Variants in AUTS2 observed in about 807,000 individuals in gnomAD.
AUTS2 encodes activator of transcription and developmental regulator AUTS2, also known as autism susceptibility gene 2 protein.
In AUTS2, 17 loss-of-function variants were observed where a neutral mutation model predicts 112.4. That is an observed-to-expected ratio of 0.15 (90% CI 0.10 to 0.23). The LOEUF (loss-of-function observed/expected upper bound fraction) is 0.23. Among genes scored for constraint, AUTS2 ranks in the 10% least tolerant of loss-of-function variants. AUTS2 has a pLI of 1.00. For synonymous variants in AUTS2, 751 were observed against 702.7 expected, an observed-to-expected ratio of 1.07 and a Z score of -1.09; for missense variants, 1,510 against 1,701.6, an observed-to-expected ratio of 0.89 and a Z score of 1.98.
Position 70,774,091 on chromosome 7 carries a change from G to A in AUTS2, c.1894G>A (p.Asp632Asn). The A allele has an allele frequency of 1.9e-6, 3 of 1,614,160 alleles. No homozygotes were observed. The highest frequency in any genetic ancestry group is 1.7e-4 in the Middle Eastern group (1 of 6,060). The change falls in exon 12 of 19, where the codon GAC becomes AAC. Residue 632 changes from aspartate (D) to asparagine (N), a missense_variant. Around this residue, in one of 3 missense-constraint regions of AUTS2, gnomAD observed 187 missense variants for 309.7 expected, o/e 0.60. Coordinates refer to ENST00000342771, the MANE Select transcript of AUTS2 (RefSeq NM_015570.4). ...GTVPHTLLQK[D>N]PRLTDPFRPM... ...AGTCCCACACACTTTACTCCAAAAG[G>A]ACCCGAGGGTACGTGCAAAGTCAGG...
intron 5 of AUTS2, among the ~76,000 whole-genome samples, chr7:70,555,081 A>T (rs1801192070): frequency 6.6e-6 from 1 of 152,246 alleles, no homozygotes; most frequent in Admixed American, 6.5e-5. Context: ...GGAGAGAAAA[A>T]CATGAGCAAA....
At chr7:70,336,506 G>T (rs904678053) in intron 4 of AUTS2, among the ~76,000 whole-genome samples, 6 of 152,208 alleles carry the variant, frequency 3.9e-5, no homozygotes, top group African/African-American at 1.4e-4. Flanking sequence ...AAAAGCTGAT[G>T]CCTGTATACC....
chr7:70,109,088 A>G (rs1205542020), intron 2 of AUTS2, among the ~76,000 whole-genome samples: 1 of 152,196 alleles, frequency 6.6e-6, no homozygotes, highest in Non-Finnish European at 1.5e-5. Context: ...CAAAAGATAG[A>G]AGACATTTTC....
At position 70,004,854 on chromosome 7, in the gene AUTS2, C is replaced by T. The variant is rs552380552; in HGVS notation, c.522+105356C>T. Among the ~76,000 whole-genome samples, 74 of 151,714 alleles carry T rather than the reference C, an allele frequency of 4.9e-4. No homozygotes were observed. In the Middle Eastern group the frequency reaches 0.027, roughly 56 times the overall value. The stretch of plus-strand genomic sequence containing the variant: ...ATTTATTTATTTAGAGACCGAGTTT[C>T]GCTCTCGTTGCCCAGGCTGGAGTGC... On this transcript the variant is annotated intron_variant, in intron 2 of 18. Transcript: ENST00000342771.
intron 4 of AUTS2, among the ~76,000 whole-genome samples, chr7:70,348,766 A>G (rs951518375): frequency 3.9e-5 from 6 of 152,270 alleles, no homozygotes; most frequent in Admixed American, 3.3e-4. Context: ...AGCCGAGATC[A>G]TGCCACTGCA....
intron 1 of AUTS2, among the ~76,000 whole-genome samples, chr7:69,867,279 C>T (rs1001015113): frequency 2.6e-5 from 4 of 152,122 alleles, no homozygotes; most frequent in Non-Finnish European, 2.9e-5. Flanking sequence ...GTAATCTGGG[C>T]GGCCTGGCTG....
chr7:69,837,022 A>C (rs1458392170), intron 1 of AUTS2, among the ~76,000 whole-genome samples: 1 of 152,140 alleles, frequency 6.6e-6, no homozygotes, highest in South Asian at 2.1e-4. Flanking sequence ...GATTACCTAT[A>C]AGAGACCTTG....
At chr7:70,739,804 TAAA>T (rs35729505) in intron 6 of AUTS2, among the ~76,000 whole-genome samples, 15,761 of 139,428 alleles carry the variant, frequency 0.11, 972 homozygotes, top group East Asian at 0.25. Context: ...CTCTAATTGT[TAAA>T]AAAAAAAAAA....
At chr7:70,228,837 G>C (rs528358251) in intron 4 of AUTS2, among the ~76,000 whole-genome samples, 2 of 151,928 alleles carry the variant, frequency 1.3e-5, no homozygotes, top group South Asian at 4.1e-4. Flanking sequence ...TATGCTTAAA[G>C]AAGTTAAGAC....
chr7:70,139,120 C>A (rs1047918319), intron 4 of AUTS2, among the ~76,000 whole-genome samples: 8 of 152,112 alleles, frequency 5.3e-5, no homozygotes, highest in Non-Finnish European at 8.8e-5. Context: ...GTGCATGCCA[C>A]CACACCTGCC....
chr7:70,719,267 C>A (rs867977540), intron 6 of AUTS2, among the ~76,000 whole-genome samples: 12 of 152,274 alleles, frequency 7.9e-5, no homozygotes, highest in Middle Eastern at 3.4e-3. Context: ...GCAGAGATTT[C>A]TAAATGTCTG....
chr7:70,241,647 C>T (rs1812619255), intron 4 of AUTS2, among the ~76,000 whole-genome samples: 1 of 151,820 alleles, frequency 6.6e-6, no homozygotes, highest in African/African-American at 2.4e-5. Context: ...CTTAATAAGT[C>T]CCAAAGGTAA....
At chr7:70,554,393 C>CTTTTTTTT (rs34757734) in intron 5 of AUTS2, among the ~76,000 whole-genome samples, 4 of 116,044 alleles carry the variant, frequency 3.4e-5, no homozygotes, top group African/African-American at 3.5e-5. Flanking sequence ...TCTTTTCTTT[C>CTTTTTTTT]TTTTTTTTTT....
intron 1 of AUTS2, among the ~76,000 whole-genome samples, chr7:69,872,834 C>CTTTTTT (rs1164356683): frequency 1.8e-4 from 13 of 70,406 alleles, no homozygotes; most frequent in African/African-American, 2.5e-4. Flanking sequence ...AGCCTATATT[C>CTTTTTT]TTTTTTTTTT....
At chr7:70,216,287 G>A (rs1811161959) in intron 4 of AUTS2, among the ~76,000 whole-genome samples, 1 of 152,174 alleles carries the variant, frequency 6.6e-6, no homozygotes, top group Non-Finnish European at 1.5e-5. Context: ...ACCCTGAAAG[G>A]TGTATGACGG....
At chr7:69,952,387 G>T (rs1797061478) in intron 2 of AUTS2, among the ~76,000 whole-genome samples, 1 of 152,156 alleles carries the variant, frequency 6.6e-6, no homozygotes, top group Admixed American at 6.6e-5. Context: ...CCCCCTCAAA[G>T]GTTGGCAAGG....
chr7:70,100,412 G>C (rs918057354), intron 2 of AUTS2, among the ~76,000 whole-genome samples: 1 of 151,752 alleles, frequency 6.6e-6, no homozygotes, highest in African/African-American at 2.4e-5. Flanking sequence ...GAAGTAGAAA[G>C]CTATAACGGT....
chr7:70,230,099 T>TC (rs1811968239), intron 4 of AUTS2, among the ~76,000 whole-genome samples: 1 of 152,100 alleles, frequency 6.6e-6, no homozygotes, highest in South Asian at 2.1e-4. Context: ...GACTTTTTTT[T>TC]CCTTTTGGAA....
rs1009806410 is a variant in AUTS2 at position 70,766,912 on chromosome 7, C to A, written c.1689+578C>A. Among the ~76,000 whole-genome samples, 4 of 152,350 alleles carry A rather than the reference C, an allele frequency of 2.6e-5. No homozygotes were observed. The highest frequency in any genetic ancestry group is 2.6e-4 in the Admixed American group (4 of 15,312). Reference sequence around the variant, plus strand: ...GCTCTGTCAGCCAGTGTTCAGGGATCCCCGCAGGGACAGAACGCTCTGCCT... The same window carrying A: ...GCTCTGTCAGCCAGTGTTCAGGGATACCCGCAGGGACAGAACGCTCTGCCT... On this transcript the variant is annotated intron_variant, in intron 9 of 18. Transcript: ENST00000342771. The surrounding 1 kb of genome is among the most constrained non-coding windows in gnomAD (Gnocchi z 4.8).
Sources: gnomAD v4.1 joint callset for allele counts (sites outside exome capture counted in the v4.1 genomes callset) on GRCh38, gnomAD v4.1.1 for gene constraint, gnomAD v4.1.1 regional missense constraint, Gnocchi (gnomAD v3.1) non-coding constraint, MANE v1.5 for transcripts, NCBI Gene and HGNC (gene_info 2026-07-23, HGNC 2026-07-21) for gene names.